CEP63: variants seen among roughly 807,000 people sequenced by gnomAD.
CEP63 encodes the protein centrosomal protein 63.
CEP63 carries 84 observed loss-of-function variants against 89.1 expected under a neutral mutation model. That is an observed-to-expected ratio of 0.94 (90% CI 0.79 to 1.13). CEP63 has a LOEUF of 1.13. CEP63 is among the 50% of genes most tolerant of loss of function. CEP63 has a pLI of 0.00. For synonymous variants in CEP63, 267 were observed against 272.5 expected (o/e 0.98, Z 0.20); for missense variants, 838 against 813.3 (o/e 1.03, Z -0.37).
the CEP63 span, among the ~76,000 whole-genome samples, chr3:134,759,059 C>T: frequency 6.6e-6 from 1 of 152,206 alleles, no homozygotes; most frequent in Admixed American, 6.5e-5. Context: ...GCCAGGAATG[C>T]AGGTGGCCTG....
chr3:134,542,177 T>C (rs1272859143), intron 6 of CEP63, among the ~76,000 whole-genome samples: 2 of 152,230 alleles, frequency 1.3e-5, no homozygotes, highest in Non-Finnish European at 2.9e-5. Context: ...TTAGATGAGC[T>C]GTAAAATATT....
chr3:134,778,850 G>A, the CEP63 span, among the ~76,000 whole-genome samples: 1 of 152,132 alleles, frequency 6.6e-6, no homozygotes, highest in Non-Finnish European at 1.5e-5. Flanking sequence ...GTGAGCCACC[G>A]CGCGGCCATT....
At chr3:134,731,941 A>G in the CEP63 span, among the ~76,000 whole-genome samples, 2 of 152,168 alleles carry the variant, frequency 1.3e-5, no homozygotes, top group Admixed American at 6.6e-5. Context: ...CAGCCAAGGG[A>G]AAGGGGCTTA....
At chr3:134,689,127 G>A in the CEP63 span, among the ~76,000 whole-genome samples, 36 of 152,030 alleles carry the variant, frequency 2.4e-4, no homozygotes, top group South Asian at 6.9e-3. Flanking sequence ...TCTCCTGTTG[G>A]CCTCATTTTC....
chr3:134,710,417 C>T, the CEP63 span, among the ~76,000 whole-genome samples: 1 of 152,234 alleles, frequency 6.6e-6, no homozygotes, highest in Non-Finnish European at 1.5e-5. Flanking sequence ...CAGCACTCCA[C>T]AGGCTCACTG....
At chr3:134,603,526 C>T in the CEP63 span, 1 of 1,504,224 alleles carries the variant, frequency 6.6e-7, no homozygotes, top group Non-Finnish European at 8.9e-7. Flanking sequence ...TCGAGCCCTC[C>T]CTGGGGAGGT....
At chr3:134,695,207 C>A in the CEP63 span, among the ~76,000 whole-genome samples, 5 of 152,160 alleles carry the variant, frequency 3.3e-5, no homozygotes, top group Non-Finnish European at 7.3e-5. Context: ...TGGAAATAAC[C>A]ACTGGGGCAT....
At chr3:134,643,458 C>A in the CEP63 span, 2 of 1,279,260 alleles carry the variant, frequency 1.6e-6, no homozygotes, top group Non-Finnish European at 2.3e-6. Context: ...TATGTGTTTG[C>A]GGGAAAGGTG....
intron 3 of CEP63, among the ~76,000 whole-genome samples, chr3:134,523,603 A>C (rs1303114448): frequency 1.3e-5 from 2 of 152,168 alleles, no homozygotes; most frequent in East Asian, 1.9e-4. Context: ...AATCTTCTGC[A>C]TGTGGCTAGC....
chr3:134,684,992 G>A, the CEP63 span, among the ~76,000 whole-genome samples: 1 of 152,174 alleles, frequency 6.6e-6, no homozygotes, highest in African/African-American at 2.4e-5. Context: ...ATTGGAGGAA[G>A]GAAGAAGGAT....
chr3:134,780,970 C>A, the CEP63 span, among the ~76,000 whole-genome samples: 1 of 152,156 alleles, frequency 6.6e-6, no homozygotes, highest in African/African-American at 2.4e-5. Context: ...AGAAAGGAAT[C>A]AAATTTTATT....
At position 134,547,426 on chromosome 3, in the gene CEP63, A is replaced by G; in HGVS notation, c.1021A>G (p.Thr341Ala). The G allele has an allele frequency of 1.2e-6, 2 of 1,613,828 alleles. No homozygotes were observed. The highest frequency in any genetic ancestry group is 1.7e-5 in the Admixed American group (1 of 60,012). Reference protein sequence around the residue: ...SVLSQLNFTHTSEDLLQAEVT... With the variant: ...SVLSQLNFTHASEDLLQAEVT... The stretch of plus-strand genomic sequence containing the variant: ...GCTCTCCCAGTTGAATTTTACCCAT[A>G]CTAGTGAGGACCTTCTGCAGGCAGA... Residue 341 changes from threonine to alanine, a missense_variant, in exon 9 of 15, where the codon ACT becomes GCT. Physicochemically the swap from Thr to Ala is moderately conservative, Grantham distance 58. Transcript: ENST00000675561.
the CEP63 span, among the ~76,000 whole-genome samples, chr3:134,635,768 C>T: frequency 6.6e-6 from 1 of 151,908 alleles, no homozygotes; most frequent in Non-Finnish European, 1.5e-5. Context: ...AAATACCAAC[C>T]ACACACAAAA....
At chr3:134,550,289 T>C in intron 11 of CEP63, 29 bp downstream of exon 11, 1 of 1,600,008 alleles carries the variant, frequency 6.2e-7, no homozygotes, top group East Asian at 2.2e-5. Flanking sequence ...CTTTTTTAAA[T>C]TTGAAATTTG....
chr3:134,666,022 CAGAG>C, the CEP63 span, among the ~76,000 whole-genome samples: 3 of 151,794 alleles, frequency 2.0e-5, no homozygotes, highest in East Asian at 1.9e-4. Flanking sequence ...GATCAAGAGA[CAGAG>C]AGAGTGAGAC....
chr3:134,617,788 G>C, the CEP63 span, among the ~76,000 whole-genome samples: 1 of 152,188 alleles, frequency 6.6e-6, no homozygotes, highest in Non-Finnish European at 1.5e-5. Context: ...TCTGGGGAGA[G>C]GGAGCAGGTG....
At chr3:134,516,794 A>G (rs1701894470) in intron 3 of CEP63, among the ~76,000 whole-genome samples, 1 of 152,238 alleles carries the variant, frequency 6.6e-6, no homozygotes, top group Non-Finnish European at 1.5e-5. Context: ...TCAAGGCAGA[A>G]GAATTTTTCT....
chr3:134,604,109 C>T, the CEP63 span: 59 of 1,611,390 alleles, frequency 3.7e-5, 1 homozygote, highest in Admixed American at 2.5e-4. Flanking sequence ...CCCTCCTCCA[C>T]GCTGAAGCTG....
chr3:134,661,858 A>C, the CEP63 span, among the ~76,000 whole-genome samples: 43 of 149,562 alleles, frequency 2.9e-4, no homozygotes, highest in African/African-American at 9.9e-4. Flanking sequence ...AGGTGATAAT[A>C]TCAAGAGGTG....
Sources: gnomAD v4.1 joint callset for allele counts (sites outside exome capture counted in the v4.1 genomes callset) on GRCh38, gnomAD v4.1.1 for gene constraint, MANE v1.5 for transcripts, NCBI Gene and HGNC (gene_info 2026-07-23, HGNC 2026-07-21) for gene names.